The following XYLT1 variants were observed in gnomAD, a reference collection of about 807,000 sequenced individuals.
XYLT1 encodes xylosyltransferase 1.
A neutral mutation model predicts 91.3 loss-of-function variants in XYLT1; 36 were observed. The observed-to-expected ratio is 0.39, with a 90% CI of 0.30 to 0.52. The LOEUF (loss-of-function observed/expected upper bound fraction) is 0.52, where lower values mean the gene tolerates loss of function less well. Among genes scored for constraint, XYLT1 ranks in the 20% least tolerant of loss-of-function variants. The pLI, the probability that XYLT1 is intolerant of heterozygous loss-of-function variation, is 0.68. For synonymous variants in XYLT1, 588 were observed against 532.0 expected (o/e 1.11, Z -1.45); for missense variants, 1,242 against 1,284.5 (o/e 0.97, Z 0.51).
At chr16:17,256,412 G>T (rs369220037) in intron 3 of XYLT1, among the ~76,000 whole-genome samples, 4 of 152,080 alleles carry the variant, frequency 2.6e-5, no homozygotes, top group Non-Finnish European at 5.9e-5. Flanking sequence ...CAGCACTTTG[G>T]GGGGCCGAGG....
At chr16:17,375,823 C>A (rs2035593449) in intron 1 of XYLT1, among the ~76,000 whole-genome samples, 1 of 152,236 alleles carries the variant, frequency 6.6e-6, no homozygotes, top group Admixed American at 6.5e-5. Flanking sequence ...CGGAGCCCGG[C>A]CTTTCACTAC....
At chr16:17,129,085 A>AAC (rs1229482291) in intron 9 of XYLT1, among the ~76,000 whole-genome samples, 1 of 149,598 alleles carries the variant, frequency 6.7e-6, no homozygotes, top group African/African-American at 2.5e-5. Flanking sequence ...AAAAAAAAAA[A>AAC]AAAAAAAAAA....
chr16:17,177,273 C>T (rs549374879), intron 5 of XYLT1, among the ~76,000 whole-genome samples: 43 of 152,260 alleles, frequency 2.8e-4, no homozygotes, highest in Admixed American at 1.6e-3. Context: ...GGAGGGGGAA[C>T]TGATGGTAGG....
At chr16:17,169,552 C>T (rs555408433) in intron 5 of XYLT1, among the ~76,000 whole-genome samples, 5 of 151,928 alleles carry the variant, frequency 3.3e-5, no homozygotes, top group South Asian at 4.2e-4. Flanking sequence ...TTCCTTCAGA[C>T]GGCTGTAATG....
intron 3 of XYLT1, among the ~76,000 whole-genome samples, chr16:17,248,048 C>A (rs2033471156): frequency 6.6e-6 from 1 of 152,158 alleles, no homozygotes; most frequent in Admixed American, 6.5e-5. Flanking sequence ...TGTCCCCACC[C>A]AAATCTTAAA....
chr16:17,192,092 CT>C lies in XYLT1; in HGVS notation c.1289+6119del, dbSNP rs550488299. 2.0e-3 allele frequency among the ~76,000 whole-genome samples: 251 copies of C among 126,780 alleles called. 1 individual carries two copies. Among genetic ancestry groups the C allele is most frequent in the Middle Eastern group, 4.0e-3 (1 of 250 alleles). 83.2% of individuals were successfully genotyped at this position (126,780 alleles called of 152,430 possible). On this transcript the variant is annotated intron_variant, in intron 5 of 11. Coordinates refer to ENST00000261381, the MANE Select transcript of XYLT1 (RefSeq NM_022166.4). ...TGAGGCGTGAGGTCTCTCTCTCTCT[CT>C]TTTTTTTTTTTTTTTTTTTTTTTAG...
At chr16:17,458,221 G>A (rs2036770346) in intron 1 of XYLT1, among the ~76,000 whole-genome samples, 1 of 152,136 alleles carries the variant, frequency 6.6e-6, no homozygotes, top group African/African-American at 2.4e-5. Flanking sequence ...TGCTGCTAAC[G>A]TTGTACTGCG....
intron 2 of XYLT1, among the ~76,000 whole-genome samples, chr16:17,339,190 G>A (rs2035031459): frequency 6.6e-6 from 1 of 152,144 alleles, no homozygotes; most frequent in Non-Finnish European, 1.5e-5. Flanking sequence ...TGAGTTTGGG[G>A]ATCTATGGAG....
intron 2 of XYLT1, among the ~76,000 whole-genome samples, chr16:17,280,179 C>T (rs1002054659): frequency 9.2e-5 from 14 of 152,140 alleles, no homozygotes; most frequent in Admixed American, 6.6e-5. Context: ...GGCGAAACCT[C>T]GTCTCTAATA....
Position 17,259,411 on chromosome 16 carries a change from C to T in XYLT1, c.490G>A (p.Asp164Asn), listed in dbSNP as rs750922490. ...NSVPKDFENVDNSNFAPRTQK... is the reference protein window; with the variant it reads ...NSVPKDFENVNNSNFAPRTQK... ...GTCCTGGGTGCGAAGTTGCTGTTGT[C>T]GACATTCTCAAAGTCTTTGGGGACA... The change falls in exon 3 of 12, where the codon GAC becomes AAC. Residue 164 changes from aspartate to asparagine, a missense_variant. Around this residue, in one of 3 missense-constraint regions of XYLT1, gnomAD observed 437 missense variants for 411.5 expected, o/e 1.06. Coordinates refer to ENST00000261381, the MANE Select transcript of XYLT1 (RefSeq NM_022166.4). 6.8e-6 allele frequency: 11 copies of T among 1,613,926 alleles called. No individual in the cohort carries two copies. The highest frequency in any genetic ancestry group is 2.2e-5 in the East Asian group (1 of 44,886).
chr16:17,392,006 T>C (rs115627020), intron 1 of XYLT1, among the ~76,000 whole-genome samples: 114 of 152,320 alleles, frequency 7.5e-4, no homozygotes, highest in African/African-American at 2.7e-3. Context: ...CATTTATAAA[T>C]TACCCAGTCT....
At chr16:17,303,407 C>T (rs1167691901) in intron 2 of XYLT1, among the ~76,000 whole-genome samples, 1 of 152,220 alleles carries the variant, frequency 6.6e-6, no homozygotes, top group Non-Finnish European at 1.5e-5. Flanking sequence ...ACTAATCTAT[C>T]TGGTCCTCTA....
Position 17,166,656 on chromosome 16 carries a change from C to T in XYLT1, c.1290-7747G>A, listed in dbSNP as rs941939052. 2.6e-5 allele frequency among the ~76,000 whole-genome samples: 4 copies of T among 151,192 alleles called. No individual in the cohort carries two copies. In the East Asian group the frequency reaches 5.8e-4, roughly 22 times the overall value. Reference sequence around the variant, plus strand: ...CCTCTTGAGTAGCTGGAATTATAGGCGTGCACCACAATGTCCAGCTATTTT... The same window carrying T: ...CCTCTTGAGTAGCTGGAATTATAGGTGTGCACCACAATGTCCAGCTATTTT... On this transcript the variant is annotated intron_variant, in intron 5 of 11. Transcript: ENST00000261381.
chr16:17,345,346 T>C (rs1202436408), intron 2 of XYLT1, among the ~76,000 whole-genome samples: 4 of 152,242 alleles, frequency 2.6e-5, no homozygotes, highest in African/African-American at 7.2e-5. Flanking sequence ...ACCAGCTACC[T>C]AAACAGAGGA....
At chr16:17,149,929 G>A (rs564792136) in intron 6 of XYLT1, among the ~76,000 whole-genome samples, 3 of 152,300 alleles carry the variant, frequency 2.0e-5, no homozygotes, top group Admixed American at 6.5e-5. Context: ...TGTCCATTAC[G>A]ATGCTTTATG....
intron 3 of XYLT1, among the ~76,000 whole-genome samples, chr16:17,219,395 G>C (rs1031565213): frequency 6.6e-6 from 1 of 152,010 alleles, no homozygotes; most frequent in African/African-American, 2.4e-5. Flanking sequence ...CATGATAGGC[G>C]AATCTCTAAA....
At chr16:17,201,066 C>T (rs2032531851) in intron 3 of XYLT1, among the ~76,000 whole-genome samples, 1 of 152,208 alleles carries the variant, frequency 6.6e-6, no homozygotes, top group African/African-American at 2.4e-5. Flanking sequence ...CTCCCTTCTT[C>T]TAATAGCATC....
At chr16:17,258,370 A>G (rs904876554) in intron 3 of XYLT1, among the ~76,000 whole-genome samples, 3 of 151,592 alleles carry the variant, frequency 2.0e-5, no homozygotes, top group African/African-American at 7.3e-5. Context: ...AGAGGAAAAT[A>G]AGGAAGGGAA....
chr16:17,451,213 G>A (rs527672860), intron 1 of XYLT1, among the ~76,000 whole-genome samples: 2 of 152,234 alleles, frequency 1.3e-5, no homozygotes, highest in East Asian at 1.9e-4. Flanking sequence ...CAGGGCTGTT[G>A]GGAACCTCAC....
Sources: allele counts gnomAD v4.1 joint callset (sites outside exome capture counted in the v4.1 genomes callset), GRCh38; gene constraint gnomAD v4.1.1; regional missense constraint gnomAD v4.1.1; transcripts MANE v1.5; gene names NCBI Gene and HGNC (gene_info 2026-07-23, HGNC 2026-07-21).